Variants in CD109 observed in about 807,000 individuals in gnomAD.
The protein encoded by CD109 is CD109 antigen.
CD109 carries 149 observed loss-of-function variants against 165.8 expected under a neutral mutation model. The ratio of observed to expected loss-of-function variants is 0.90; its 90% CI spans 0.79 to 1.03. The LOEUF (loss-of-function observed/expected upper bound fraction) is 1.03. Among genes scored for constraint, CD109 ranks in the 50% least tolerant of loss-of-function variants. The pLI, the probability that CD109 is intolerant of heterozygous loss-of-function variation, is 0.00. For missense variants in CD109, 1,712 were observed against 1,677.8 expected (o/e 1.02, Z -0.36); for synonymous variants, 585 against 592.1 (o/e 0.99, Z 0.18).
At chr6:73,703,935 A>C (rs1453039453) in intron 2 of CD109, among the ~76,000 whole-genome samples, 1 of 152,250 alleles carries the variant, frequency 6.6e-6, no homozygotes, top group East Asian at 1.9e-4. Context: ...CTATAATCCC[A>C]GCACTTTGGG....
the CD109 span, among the ~76,000 whole-genome samples, chr6:73,689,913 CAG>C: frequency 1.1e-4 from 17 of 152,062 alleles, no homozygotes; most frequent in African/African-American, 3.9e-4. Context: ...AATGGTGAAA[CAG>C]TGTAATTAAA....
intron 2 of CD109, among the ~76,000 whole-genome samples, chr6:73,714,080 A>C (rs1771634892): frequency 6.6e-6 from 1 of 152,134 alleles, no homozygotes; most frequent in Admixed American, 6.5e-5. Context: ...AGTAACTCTC[A>C]ATAATGGAGG....
At chr6:73,782,251 A>G (rs1399458571) in intron 17 of CD109, among the ~76,000 whole-genome samples, 2 of 152,218 alleles carry the variant, frequency 1.3e-5, no homozygotes, top group African/African-American at 2.4e-5. Flanking sequence ...TGATCTCTCT[A>G]CATTAAAGAC....
At chr6:73,781,413 GATT>G in intron 17 of CD109, 94 bp downstream of exon 17, 1 of 1,093,216 alleles carries the variant, frequency 9.1e-7, no homozygotes, top group Non-Finnish European at 1.4e-6. Context: ...TGAACATAGA[GATT>G]GTGATTTTCA....
intron 3 of CD109, among the ~76,000 whole-genome samples, chr6:73,729,448 G>A (rs1772264041): frequency 6.6e-6 from 1 of 151,238 alleles, no homozygotes; most frequent in Non-Finnish European, 1.5e-5. Flanking sequence ...AAACTGCTCA[G>A]TATGGCTCTG....
rs58140668 is a variant in CD109, at chr6:73,700,790, GTTTTTTTT to G, written c.247+3240_247+3247del. Among the ~76,000 whole-genome samples the G allele has an allele frequency of 1.2e-4, 6 of 51,478 alleles. No individual in the cohort carries two copies. In the East Asian group the frequency reaches 1.8e-3, roughly 16 times the overall value. The allele number at this position is 51,478 out of a possible 152,430, so 33.8% of individuals were successfully genotyped here. ...CTACATTTATTGGGGATTGATTGTAGTTTTTTTTTTTTTTTTTTTTTTTTTTTTTGAGA... is the reference window on the plus strand; with the variant it reads ...CTACATTTATTGGGGATTGATTGTAGTTTTTTTTTTTTTTTTTTTTTGAGA... On this transcript the variant is annotated intron_variant, in intron 2 of 32. Coordinates refer to ENST00000287097, the MANE Select transcript of CD109 (RefSeq NM_133493.5).
intron 5 of CD109, among the ~76,000 whole-genome samples, chr6:73,752,363 A>T (rs79379573): frequency 0.034 from 5,191 of 152,304 alleles, 157 homozygotes; most frequent in Middle Eastern, 0.051. Context: ...GTAGTAATTC[A>T]CATGTCTCAA....
chr6:73,790,765 C>A (rs1424810038), intron 22 of CD109, among the ~76,000 whole-genome samples: 1 of 152,006 alleles, frequency 6.6e-6, no homozygotes, highest in African/African-American at 2.4e-5. Context: ...TGGATGGTGC[C>A]CACACACACT....
chr6:73,814,121 T>A (rs894961102), intron 29 of CD109, among the ~76,000 whole-genome samples: 1 of 152,108 alleles, frequency 6.6e-6, no homozygotes, highest in African/African-American at 2.4e-5. Flanking sequence ...TTTTTAAGTA[T>A]GCAAATCCAT....
At chr6:73,721,777 C>T (rs1417765254) in intron 2 of CD109, among the ~76,000 whole-genome samples, 3 of 152,064 alleles carry the variant, frequency 2.0e-5, no homozygotes, top group Non-Finnish European at 4.4e-5. Flanking sequence ...TGCTCTGTTG[C>T]CCAGGCTGTA....
intron 17 of CD109, among the ~76,000 whole-genome samples, chr6:73,781,786 C>CATAG (rs1774513622): frequency 6.7e-6 from 1 of 148,434 alleles, no homozygotes; most frequent in African/African-American, 2.5e-5. Flanking sequence ...CAGACACACA[C>CATAG]ACACACACAG....
intron 24 of CD109, among the ~76,000 whole-genome samples, chr6:73,805,486 G>A (rs1332601676): frequency 6.6e-6 from 1 of 152,108 alleles, no homozygotes; most frequent in African/African-American, 2.4e-5. Flanking sequence ...GCCCAGGGAC[G>A]GGCAGGAGAC....
chr6:73,697,236 G>A (rs1462331448), intron 1 of CD109, among the ~76,000 whole-genome samples, 164 bp from the exon 2 acceptor site: 5 of 152,224 alleles, frequency 3.3e-5, no homozygotes, highest in Admixed American at 2.6e-4. Flanking sequence ...TGTTTCAGTA[G>A]CATTTCAATT....
In CD109 at chr6:73,808,167, A is replaced by G; in HGVS notation, c.3274A>G (p.Ile1092Val). Residue 1092 changes from isoleucine to valine, a missense_variant, in exon 26 of 33, where the codon ATA (isoleucine) becomes GTA (valine). Physicochemically the swap from Ile to Val is conservative, Grantham distance 29. Coordinates refer to ENST00000287097, the MANE Select transcript of CD109 (RefSeq NM_133493.5). Reference sequence around the variant, plus strand: ...TTCAGACAATTATACTCTAGCCCTTATAACTTATGCATTGTCATCAGTGGG... The same window carrying G: ...TTCAGACAATTATACTCTAGCCCTTGTAACTTATGCATTGTCATCAGTGGG... ...GISDNYTLAL[I>V]TYALSSVGSP... 6.2e-7 allele frequency: 1 copy of G among 1,613,606 alleles called. No homozygotes were observed. The highest frequency in any genetic ancestry group is 8.5e-7 in the Non-Finnish European group (1 of 1,179,662).
intron 22 of CD109, among the ~76,000 whole-genome samples, chr6:73,789,292 CA>C (rs916352056): frequency 2.8e-4 from 43 of 152,038 alleles, no homozygotes; most frequent in African/African-American, 1.0e-3. Context: ...TAGTACTTTT[CA>C]AAAATTGGCA....
chr6:73,818,038 T>C (rs1775997098), intron 30 of CD109, among the ~76,000 whole-genome samples: 1 of 151,952 alleles, frequency 6.6e-6, no homozygotes, highest in African/African-American at 2.4e-5. Context: ...AAAGGAAAAG[T>C]GCAATTCTGT....
chr6:73,804,912 CT>C (rs1775510447), intron 24 of CD109, among the ~76,000 whole-genome samples: 3 of 152,322 alleles, frequency 2.0e-5, no homozygotes, highest in Admixed American at 2.0e-4. Flanking sequence ...CTCATCATCA[CT>C]GGCCATCAGA....
chr6:73,823,248 C>T (rs943946900), intron 32 of CD109, among the ~76,000 whole-genome samples: 12 of 152,196 alleles, frequency 7.9e-5, no homozygotes, highest in African/African-American at 2.9e-4. Context: ...TGGTGGTAGA[C>T]AGATTGGACT....
At position 73,747,522 on chromosome 6, in the gene CD109, C is replaced by A. The variant is rs564780073; in HGVS notation, c.634-9121C>A. Among the ~76,000 whole-genome samples the A allele has an allele frequency of 2.0e-5, 3 of 152,256 alleles. No homozygotes were observed. The South Asian group carries it at 6.2e-4, about 32-fold the overall frequency. ...CATTTCTCACTCTAGGGAAGTTCAC[C>A]CGAAGGCATGGTTTCAGTTTCCATC... is the stretch of plus-strand genomic sequence containing the variant. On this transcript the variant is annotated intron_variant, in intron 5 of 32. Transcript: ENST00000287097.
Sources: allele counts gnomAD v4.1 joint callset (sites outside exome capture counted in the v4.1 genomes callset), GRCh38; gene constraint gnomAD v4.1.1; transcripts MANE v1.5; gene names NCBI Gene and HGNC (gene_info 2026-07-23, HGNC 2026-07-21).